The following ENO4 variants were observed in gnomAD, a reference collection of about 807,000 sequenced individuals.
The protein encoded by ENO4 is enolase 4.
ENO4 carries 53 observed loss-of-function variants against 63.2 expected under a neutral mutation model. The ratio of observed to expected loss-of-function variants is 0.84; its 90% confidence interval spans 0.67 to 1.05. The LOEUF (loss-of-function observed/expected upper bound fraction) is 1.05, where lower values mean the gene tolerates loss of function less well. ENO4 is among the 50% of genes least tolerant of loss of function. ENO4 has a pLI of 0.00. For synonymous variants in ENO4, 266 were observed against 283.8 expected, an observed-to-expected ratio of 0.94 and a Z score of 0.63; for missense variants, 719 against 772.0, an observed-to-expected ratio of 0.93 and a Z score of 0.81.
intron 10 of ENO4, chr10:116,906,830 C>T: frequency 8.9e-7 from 1 of 1,122,950 alleles, no homozygotes; most frequent in Non-Finnish European, 1.2e-6. Context: ...ACCATGAAAA[C>T]ATTACCAGAA....
chr10:116,880,665 C>T (rs1338234070), intron 13 of ENO4, among the ~76,000 whole-genome samples: 2 of 152,088 alleles, frequency 1.3e-5, no homozygotes, highest in African/African-American at 4.8e-5. Context: ...TCCTAGGATT[C>T]AGAAAATAAA....
downstream of ENO4, chr10:116,886,295 G>A (rs1338004152): frequency 6.4e-7 from 1 of 1,550,812 alleles, no homozygotes; most frequent in Non-Finnish European, 8.7e-7. Flanking sequence ...CACTAATCAT[G>A]TGCTTATTGA....
At chr10:116,881,148 G>A (rs891797315) in intron 13 of ENO4, among the ~76,000 whole-genome samples, 17 of 152,124 alleles carry the variant, frequency 1.1e-4, no homozygotes, top group Non-Finnish European at 2.2e-4. Context: ...AATGGTCCTC[G>A]CCTGCCATCA....
intron 1 of ENO4, among the ~76,000 whole-genome samples, chr10:116,855,235 GTGA>G (rs1846229258): frequency 6.6e-6 from 1 of 152,102 alleles, no homozygotes; most frequent in Admixed American, 6.5e-5. Flanking sequence ...GGAGAATGCA[GTGA>G]GCCGAGATCA....
intron 3 of ENO4, among the ~76,000 whole-genome samples, chr10:116,856,920 C>T (rs1290575813): frequency 6.6e-6 from 1 of 150,502 alleles, no homozygotes; most frequent in Admixed American, 6.6e-5. Flanking sequence ...ACCCGGGAGG[C>T]GGAGCTTGCA....
chr10:116,903,698 T>C (rs1435659672), intron 10 of ENO4, among the ~76,000 whole-genome samples: 1 of 152,198 alleles, frequency 6.6e-6, no homozygotes, highest in African/African-American at 2.4e-5. Context: ...TATTCTGCCC[T>C]TGGGTAAGCG....
In ENO4 at chr10:116,901,223, A is replaced by G. The variant is rs1219976089; in HGVS notation, c.1195-10276A>G. 9 of 985,192 alleles carry G rather than the reference A, an allele frequency of 9.1e-6. No homozygotes were observed. In the Admixed American group the frequency reaches 3.7e-4, roughly 40 times the overall value. 61.0% of individuals were successfully genotyped at this position (985,192 alleles called of 1,614,324 possible). On this transcript the variant is annotated intron_variant, in intron 10 of 10. Transcript: ENST00000369207. ...ACTAGATCTGTCTGAAACACATTCA[A>G]TAGCAGGATTAACTCTTTGACAATC... is the stretch of plus-strand genomic sequence containing the variant.
At chr10:116,903,651 T>C (rs894528831) in intron 10 of ENO4, among the ~76,000 whole-genome samples, 2 of 152,120 alleles carry the variant, frequency 1.3e-5, no homozygotes. Context: ...AAAATATAAA[T>C]ACGAAGTTGA....
Position 116,856,607 on chromosome 10 carries a change from G to A in ENO4, c.410G>A (p.Trp137Ter). The change falls in exon 3 of 14, where the codon TGG becomes TAG. Residue 137 changes from tryptophan (W) to a stop codon, truncating the protein, a stop_gained. Transcript: ENST00000341276. LOFTEE classifies it high-confidence loss of function. ...RASAVSTAVQ[W>*]VNSTITHELQ... ...AGCGCGGTGAGCACCGCCGTGCAGT[G>A]GGTCAACAGCACCATCACGCACGAG... 2 of 1,536,186 alleles carry A rather than the reference G, an allele frequency of 1.3e-6. No individual in the cohort carries two copies. Among genetic ancestry groups the A allele is most frequent in the Non-Finnish European group, 1.7e-6 (2 of 1,146,922 alleles).
chr10:116,863,304 G>C (rs1198292419), intron 7 of ENO4, among the ~76,000 whole-genome samples: 1 of 151,730 alleles, frequency 6.6e-6, no homozygotes, highest in Non-Finnish European at 1.5e-5. Flanking sequence ...AGTGCACAGT[G>C]ATATGGAAGG....
intron 11 of ENO4, among the ~76,000 whole-genome samples, chr10:116,878,248 G>C (rs1846891317): frequency 6.6e-6 from 1 of 152,210 alleles, no homozygotes; most frequent in African/African-American, 2.4e-5. Flanking sequence ...CAGAAAGCTG[G>C]TCTCAGAGCT....
intron 10 of ENO4, among the ~76,000 whole-genome samples, chr10:116,899,846 A>T (rs1424915145): frequency 6.6e-6 from 1 of 152,228 alleles, no homozygotes; most frequent in Non-Finnish European, 1.5e-5. Flanking sequence ...CTTACTAATA[A>T]GTCAAAGCCA....
intron 2 of ENO4, 96 bp from the exon 3 acceptor site, chr10:116,856,396 T>C: frequency 2.1e-6 from 2 of 933,910 alleles, no homozygotes; most frequent in South Asian, 3.4e-5. Flanking sequence ...TTGAAATTGG[T>C]GGTAAAATTT....
At chr10:116,878,789 G>T (rs1186141195) in intron 11 of ENO4, among the ~76,000 whole-genome samples, 2 of 127,186 alleles carry the variant, frequency 1.6e-5, no homozygotes, top group East Asian at 2.6e-4. Context: ...GTCGCCCAGA[G>T]CTGGAGTGCA....
At chr10:116,877,728 G>GC (rs1234996064) in intron 11 of ENO4, among the ~76,000 whole-genome samples, 2 of 152,200 alleles carry the variant, frequency 1.3e-5, no homozygotes, top group Non-Finnish European at 2.9e-5. Flanking sequence ...CAGTGCTGGT[G>GC]CATCTGGGAT....
Position 116,882,379 on chromosome 10 carries a change from A to G in ENO4, c.*710A>G, listed in dbSNP as rs937625748. On this transcript the variant is annotated 3_prime_UTR_variant, in exon 14 of 14. Transcript: ENST00000341276. The stretch of plus-strand genomic sequence containing the variant: ...CCAGTTATTCATACCACAGCATTTA[A>G]AAAGCAATCCGCAAGTGATAAAAAA... 7 of 150,370 alleles carry G rather than the reference A, an allele frequency of 4.7e-5. No homozygotes were observed. The highest frequency in any genetic ancestry group is 2.0e-4 in the Admixed American group (3 of 14,972). 9.3% of individuals were successfully genotyped at this position (150,370 alleles called of 1,614,324 possible). A position where few individuals can be genotyped will look rare whatever the true frequency, so the allele number is the denominator to read the frequency against.
chr10:116,878,191 T>C (rs147997400), intron 11 of ENO4, among the ~76,000 whole-genome samples: 3 of 152,312 alleles, frequency 2.0e-5, no homozygotes, highest in African/African-American at 4.8e-5. Context: ...TGTACACTTA[T>C]GCAGAGGACA....
chr10:116,899,036 A>G (rs1015359089), intron 10 of ENO4, among the ~76,000 whole-genome samples: 7 of 152,174 alleles, frequency 4.6e-5, no homozygotes, highest in Admixed American at 3.9e-4. Flanking sequence ...TCTTACGCAG[A>G]TCATACTGAA....
intron 3 of ENO4, among the ~76,000 whole-genome samples, chr10:116,857,482 T>G (rs889986887): frequency 8.5e-5 from 13 of 152,170 alleles, no homozygotes; most frequent in African/African-American, 3.1e-4. Context: ...AACCAAGTAG[T>G]GAGTTAGAAT....
Sources: allele counts gnomAD v4.1 joint callset (sites outside exome capture counted in the v4.1 genomes callset), GRCh38; gene constraint gnomAD v4.1.1; transcripts MANE v1.5; gene names NCBI Gene and HGNC (gene_info 2026-07-23, HGNC 2026-07-21).